Variants in IFT74 observed in about 807,000 individuals in gnomAD.
IFT74 encodes intraflagellar transport protein 74 homolog.
Under a neutral mutation model 96.7 loss-of-function variants are expected in IFT74, and 92 were observed. That is an observed-to-expected ratio of 0.95 (90% confidence interval 0.80 to 1.13). The LOEUF is 1.13. Ranked by LOEUF, IFT74 falls within the 50% of genes most tolerant of loss-of-function variation. The pLI is 0.00. For synonymous variants in IFT74, 223 were observed against 213.2 expected, an observed-to-expected ratio of 1.05 and a Z score of -0.40; for missense variants, 811 against 698.2, an observed-to-expected ratio of 1.16 and a Z score of -1.82.
At chr9:26,977,703 G>A (rs769018313) in intron 2 of IFT74, among the ~76,000 whole-genome samples, 4 of 152,092 alleles carry the variant, frequency 2.6e-5, no homozygotes, top group Non-Finnish European at 5.9e-5. Flanking sequence ...TGTCCAGGCT[G>A]GTTTTGAACT....
At chr9:26,967,581 T>G (rs1826682329) in intron 2 of IFT74, among the ~76,000 whole-genome samples, 1 of 152,168 alleles carries the variant, frequency 6.6e-6, no homozygotes, top group Non-Finnish European at 1.5e-5. Flanking sequence ...GGATGCCCTT[T>G]ATTTCTTTTT....
intron 13 of IFT74, among the ~76,000 whole-genome samples, chr9:27,035,463 G>C (rs542175371): frequency 2.0e-5 from 3 of 152,236 alleles, no homozygotes; most frequent in South Asian, 4.1e-4. Flanking sequence ...ATCTACACCA[G>C]GATCATCACC....
intron 2 of IFT74, among the ~76,000 whole-genome samples, chr9:26,975,374 G>C (rs1020702503): frequency 6.6e-6 from 1 of 152,130 alleles, no homozygotes; most frequent in African/African-American, 2.4e-5. Context: ...TAACATGTTC[G>C]ATTAAGAGCT....
At chr9:26,960,091 G>C (rs761480843) in intron 1 of IFT74, among the ~76,000 whole-genome samples, 5 of 152,054 alleles carry the variant, frequency 3.3e-5, no homozygotes, top group African/African-American at 7.2e-5. Flanking sequence ...TTCTTGAATG[G>C]GGACTCCATT....
At chr9:27,062,514 T>C in intron 19 of IFT74, 104 bp from the exon 20 acceptor site, 1 of 651,994 alleles carries the variant, frequency 1.5e-6, no homozygotes, top group Non-Finnish European at 2.7e-6. Flanking sequence ...TAATTGTGCT[T>C]TTTTGTACCA....
chr9:27,048,885 A>AT (rs1358870925), intron 16 of IFT74, among the ~76,000 whole-genome samples: 1 of 152,020 alleles, frequency 6.6e-6, no homozygotes, highest in Non-Finnish European at 1.5e-5. Context: ...TATGGTTTGG[A>AT]TTTTTTGTCC....
chr9:26,975,374 G>A (rs1020702503), intron 2 of IFT74, among the ~76,000 whole-genome samples: 2 of 152,248 alleles, frequency 1.3e-5, no homozygotes, highest in South Asian at 2.1e-4. Context: ...TAACATGTTC[G>A]ATTAAGAGCT....
intron 2 of IFT74, among the ~76,000 whole-genome samples, chr9:26,962,320 T>A (rs1425482521): frequency 6.6e-6 from 1 of 152,254 alleles, no homozygotes; most frequent in East Asian, 1.9e-4. Flanking sequence ...ATAAGCATAT[T>A]ATTAAACATG....
intron 8 of IFT74, among the ~76,000 whole-genome samples, chr9:26,991,517 G>A (rs1827870399): frequency 6.6e-6 from 1 of 151,996 alleles, no homozygotes; most frequent in African/African-American, 2.4e-5. Context: ...ATTATACCCG[G>A]CCACCATCTA....
chr9:27,062,426 C>T (rs879765093), intron 19 of IFT74, among the ~76,000 whole-genome samples, 192 bp from the exon 20 acceptor site: 4 of 151,928 alleles, frequency 2.6e-5, no homozygotes, highest in East Asian at 1.9e-4. Context: ...GAATTTTTTG[C>T]GGTAAGTTTA....
chr9:27,055,165 A>G (rs998532964), intron 16 of IFT74, among the ~76,000 whole-genome samples: 8 of 152,202 alleles, frequency 5.3e-5, no homozygotes, highest in Admixed American at 3.9e-4. Flanking sequence ...ATAACTTCAT[A>G]GGACATAACT....
Position 27,062,343 on chromosome 9 carries a change from G to A in IFT74, c.1685-275G>A, listed in dbSNP as rs572235995. Among the ~76,000 whole-genome samples the A allele has an allele frequency of 8.5e-5, 13 of 152,288 alleles. No individual in the cohort carries two copies. The South Asian group carries it at 2.5e-3, about 29-fold the overall frequency. ...ATAGGAACTAGTTCATTGAACGTTA[G>A]ATTGTTCTAAGACCAGAATTAGATT... On this transcript the variant is annotated intron_variant, in intron 19 of 19. Transcript: ENST00000380062.
intron 8 of IFT74, among the ~76,000 whole-genome samples, chr9:27,000,328 G>T (rs1386308892): frequency 6.6e-6 from 1 of 152,114 alleles, no homozygotes; most frequent in Non-Finnish European, 1.5e-5. Context: ...GTGCACAAAA[G>T]AAATTCAGGA....
rs553282812 is a variant in IFT74, at chr9:27,044,635, G to T, written c.1055-107G>T. 2.2e-5 allele frequency: 14 copies of T among 636,458 alleles called. No individual in the cohort carries two copies. In the East Asian group the frequency reaches 4.0e-4, roughly 18 times the overall value. 39.4% of individuals were successfully genotyped at this position (636,458 alleles called of 1,614,324 possible). On this transcript the variant is annotated intron_variant, in intron 13 of 19. Coordinates refer to ENST00000380062, the MANE Select transcript of IFT74 (RefSeq NM_025103.4). The stretch of plus-strand genomic sequence containing the variant: ...AGAATTTCACCTAATCGAACACGTC[G>T]AATAGTCAATGACTAATGGCATAGA...
In IFT74 at chr9:27,015,029, G is replaced by A. The variant is rs73436064; in HGVS notation, c.790-1878G>A. Among the ~76,000 whole-genome samples, 867 of 152,292 alleles carry A rather than the reference G, an allele frequency of 5.7e-3. 10 individuals are homozygous for A. The highest frequency in any genetic ancestry group is 0.02 in the African/African-American group (813 of 41,542). On this transcript the variant is annotated intron_variant, in intron 10 of 19. Coordinates refer to ENST00000380062, the MANE Select transcript of IFT74 (RefSeq NM_025103.4). The stretch of plus-strand genomic sequence containing the variant: ...ACTGCTGTACAACGTATTAGGTCAT[G>A]CTTATTCAGTTCACAAGAGTGGAAA...
chr9:26,997,827 A>G, intron 8 of IFT74: 1 of 1,614,196 alleles, frequency 6.2e-7, no homozygotes, highest in Non-Finnish European at 8.5e-7. Flanking sequence ...TCCAGATGAA[A>G]TAGTGGTGGT....
intron 16 of IFT74, among the ~76,000 whole-genome samples, chr9:27,055,224 CAAAT>C (rs1820106766): frequency 6.6e-6 from 1 of 151,580 alleles, no homozygotes; most frequent in Non-Finnish European, 1.5e-5. Flanking sequence ...AAATTGTGCT[CAAAT>C]ATATATATAA....
intron 8 of IFT74, among the ~76,000 whole-genome samples, chr9:26,992,850 G>A (rs1196851103): frequency 6.6e-6 from 1 of 152,116 alleles, no homozygotes; most frequent in Non-Finnish European, 1.5e-5. Context: ...GCCATACCTC[G>A]AGAAGGCAGG....
chr9:26,995,841 G>T (rs1159694480), intron 8 of IFT74: 1 of 1,598,576 alleles, frequency 6.3e-7, no homozygotes, highest in South Asian at 1.1e-5. Flanking sequence ...TTTCCAAGAG[G>T]TTCATGTTCT....
Sources: allele counts gnomAD v4.1 joint callset (sites outside exome capture counted in the v4.1 genomes callset), GRCh38; gene constraint gnomAD v4.1.1; transcripts MANE v1.5; gene names NCBI Gene and HGNC (gene_info 2026-07-23, HGNC 2026-07-21).